The following ROR2 variants were observed in gnomAD, a reference collection of about 807,000 sequenced individuals.
ROR2 encodes ROR family WNT receptor 2.
In ROR2, 33 loss-of-function variants were observed where a neutral mutation model predicts 74.9. The observed-to-expected ratio is 0.44, with a 90% CI of 0.33 to 0.59. The LOEUF (loss-of-function observed/expected upper bound fraction) is 0.59. Among genes scored for constraint, ROR2 ranks in the 20% least tolerant of loss-of-function variants. ROR2 has a pLI of 0.02. For missense variants in ROR2, 1,216 were observed against 1,313.8 expected (o/e 0.93, Z 1.15); for synonymous variants, 586 against 558.7 (o/e 1.05, Z -0.69).
intron 4 of ROR2, 154 bp downstream of exon 4, chr9:91,755,917 C>T (rs906446962): frequency 2.6e-6 from 2 of 761,066 alleles, no homozygotes; most frequent in African/African-American, 3.5e-5. Context: ...TGTTTCCCAA[C>T]CCTAAGCAAG....
intron 4 of ROR2, among the ~76,000 whole-genome samples, chr9:91,749,875 G>A (rs1388387727): frequency 1.3e-5 from 2 of 152,102 alleles, no homozygotes; most frequent in East Asian, 3.9e-4. Flanking sequence ...AAATTATTTT[G>A]AAACTCTTAT....
intron 4 of ROR2, among the ~76,000 whole-genome samples, chr9:91,750,343 TC>T (rs1265613745): frequency 6.6e-6 from 1 of 152,244 alleles, no homozygotes; most frequent in African/African-American, 2.4e-5. Context: ...CAGTTAGTTT[TC>T]TGAGAGCCTC....
At chr9:91,940,370 T>G (rs1432065747) in intron 1 of ROR2, among the ~76,000 whole-genome samples, 1 of 152,112 alleles carries the variant, frequency 6.6e-6, no homozygotes. Flanking sequence ...GAGTGAAAAA[T>G]ATACAGCGGT....
At chr9:91,890,557 G>A (rs1202047756) in intron 1 of ROR2, among the ~76,000 whole-genome samples, 2 of 152,136 alleles carry the variant, frequency 1.3e-5, no homozygotes, top group African/African-American at 4.8e-5. Flanking sequence ...GAGGCCCCTA[G>A]CAATGCATCC....
intron 2 of ROR2, among the ~76,000 whole-genome samples, chr9:91,774,427 T>G (rs967771771): frequency 3.9e-5 from 6 of 152,316 alleles, no homozygotes; most frequent in South Asian, 2.1e-4. Context: ...AACCCATAAG[T>G]TGAAGCTCTA....
chr9:91,807,666 A>G (rs568218252), intron 1 of ROR2, among the ~76,000 whole-genome samples: 35 of 152,294 alleles, frequency 2.3e-4, no homozygotes, highest in Non-Finnish European at 2.2e-4. Context: ...GACAGTGTCT[A>G]AAGTGGACTG....
chr9:91,898,978 C>T (rs1830605537), intron 1 of ROR2, among the ~76,000 whole-genome samples: 1 of 152,226 alleles, frequency 6.6e-6, no homozygotes, highest in South Asian at 2.1e-4. Flanking sequence ...CACTCTGATA[C>T]TGTTCTGATG....
At chr9:91,758,960 C>T (rs1825836959) in intron 2 of ROR2, among the ~76,000 whole-genome samples, 1 of 152,240 alleles carries the variant, frequency 6.6e-6, no homozygotes, top group Non-Finnish European at 1.5e-5. Flanking sequence ...TAATCATCAA[C>T]ATGAACTTAC....
chr9:91,861,146 G>A (rs1829457610), intron 1 of ROR2, among the ~76,000 whole-genome samples: 1 of 152,130 alleles, frequency 6.6e-6, no homozygotes, highest in South Asian at 2.1e-4. Context: ...CTGTGTTTAT[G>A]GATCAGAATA....
At chr9:91,745,995 G>A (rs1313620844) in intron 4 of ROR2, among the ~76,000 whole-genome samples, 1 of 152,148 alleles carries the variant, frequency 6.6e-6, no homozygotes, top group East Asian at 1.9e-4. Context: ...TGGTCTGAGG[G>A]CTTTAATATC....
At chr9:91,832,010 G>A (rs1210145004) in intron 1 of ROR2, among the ~76,000 whole-genome samples, 1 of 152,070 alleles carries the variant, frequency 6.6e-6, no homozygotes, top group Non-Finnish European at 1.5e-5. Flanking sequence ...GGCCACACAT[G>A]TTCTGTCCTG....
chr9:91,809,697 T>C (rs1304492070), intron 1 of ROR2, among the ~76,000 whole-genome samples: 1 of 152,208 alleles, frequency 6.6e-6, no homozygotes, highest in Non-Finnish European at 1.5e-5. Flanking sequence ...TTGAGGCGTC[T>C]GGGGTACAGC....
intron 2 of ROR2, among the ~76,000 whole-genome samples, chr9:91,768,780 A>G (rs779119152): frequency 2.6e-5 from 4 of 152,200 alleles, no homozygotes; most frequent in African/African-American, 4.8e-5. Context: ...TCTGCCCCGA[A>G]TAACCAACGG....
At chr9:91,771,213 CGA>C (rs1201391629) in intron 2 of ROR2, among the ~76,000 whole-genome samples, 8 of 152,276 alleles carry the variant, frequency 5.3e-5, no homozygotes, top group Admixed American at 3.9e-4. Flanking sequence ...TCTCTGAAGT[CGA>C]GAGACACAGC....
intron 1 of ROR2, among the ~76,000 whole-genome samples, chr9:91,886,063 C>A (rs1345468845): frequency 4.6e-5 from 7 of 151,822 alleles, no homozygotes; most frequent in Non-Finnish European, 7.4e-5. Context: ...TTAGTAGAGA[C>A]GGGATTTCAC....
chr9:91,792,433 T>C (rs745723440), intron 1 of ROR2, among the ~76,000 whole-genome samples: 5 of 151,692 alleles, frequency 3.3e-5, no homozygotes, highest in South Asian at 2.1e-4. Flanking sequence ...CTCAGCCTCC[T>C]GAGTAGCTGG....
At chr9:91,800,204 C>T (rs1234630677) in intron 1 of ROR2, among the ~76,000 whole-genome samples, 2 of 151,858 alleles carry the variant, frequency 1.3e-5, no homozygotes, top group African/African-American at 2.4e-5. Flanking sequence ...TAGCCGGGGG[C>T]GGTGGCACAC....
At chr9:91,915,177 CTT>C (rs944916919) in intron 1 of ROR2, among the ~76,000 whole-genome samples, 2 of 152,122 alleles carry the variant, frequency 1.3e-5, no homozygotes, top group African/African-American at 4.8e-5. Flanking sequence ...CATGAGGACT[CTT>C]AGGTGCAGCG....
chr9:91,835,407 C>T (rs1828581717), intron 1 of ROR2, among the ~76,000 whole-genome samples: 2 of 152,184 alleles, frequency 1.3e-5, no homozygotes, highest in Admixed American at 1.3e-4. Context: ...TCTCTGCACA[C>T]ACACTGCCCC....
Sources: allele counts gnomAD v4.1 joint callset (sites outside exome capture counted in the v4.1 genomes callset), GRCh38; gene constraint gnomAD v4.1.1; transcripts MANE v1.5; gene names NCBI Gene and HGNC (gene_info 2026-07-23, HGNC 2026-07-21).